MSI2: variants seen among roughly 807,000 people sequenced by gnomAD.
MSI2 encodes the protein RNA-binding protein Musashi homolog 2.
Under a neutral mutation model 45.6 loss-of-function variants are expected in MSI2, and 17 were observed. That is an observed-to-expected ratio of 0.37 (90% CI 0.26 to 0.56). The LOEUF (loss-of-function observed/expected upper bound fraction) is 0.56, where lower values mean the gene tolerates loss of function less well. MSI2 is among the 20% of genes least tolerant of loss of function. MSI2 has a pLI of 0.77. For synonymous variants in MSI2, 156 were observed against 158.2 expected, an observed-to-expected ratio of 0.99 and a Z score of 0.11; for missense variants, 293 against 444.2, an observed-to-expected ratio of 0.66 and a Z score of 3.06.
chr17:57,480,433 C>T (rs1448161017), intron 6 of MSI2, among the ~76,000 whole-genome samples: 2 of 152,182 alleles, frequency 1.3e-5, no homozygotes, highest in African/African-American at 4.8e-5. Flanking sequence ...GGCCAATAAA[C>T]AGGACTCATG....
intron 6 of MSI2, among the ~76,000 whole-genome samples, chr17:57,456,298 C>G (rs1318308701): frequency 6.6e-6 from 1 of 152,190 alleles, no homozygotes; most frequent in South Asian, 2.1e-4. Flanking sequence ...CATAACATCT[C>G]TATGAGGGAG....
rs34206920 is a variant in MSI2, at chr17:57,684,445, A to ATCTATCTATATATATACATATATATGTAT, written c.*4928_*4929insTCTATCTATATATATACATATATATGTAT. 5 of 175,014 alleles carry ATCTATCTATATATATACATATATATGTAT rather than the reference A, an allele frequency of 2.9e-5. No individual in the cohort carries two copies. The highest frequency in any genetic ancestry group is 1.2e-4 in the African/African-American group (5 of 41,754). The allele number at this position is 175,014 out of a possible 1,614,324, so 10.8% of individuals were successfully genotyped here. A position where few individuals can be genotyped will look rare whatever the true frequency, so the allele number is the denominator to read the frequency against. ...TTTTTATATATATACATATATATGTACTATCTATATATATATCTCAAGCAT... is the reference window on the plus strand; with the variant it reads ...TTTTTATATATATACATATATATGTATCTATCTATATATATACATATATATGTATCTATCTATATATATATCTCAAGCAT... On this transcript the variant is annotated 3_prime_UTR_variant, in exon 14 of 14. Coordinates refer to ENST00000284073, the MANE Select transcript of MSI2 (RefSeq NM_138962.4).
intron 8 of MSI2, among the ~76,000 whole-genome samples, chr17:57,615,321 G>A (rs569968668): frequency 3.2e-4 from 49 of 151,918 alleles, no homozygotes; most frequent in African/African-American, 1.1e-3. Context: ...AGTACAGACG[G>A]GGTTTCACCA....
chr17:57,438,485 G>A (rs1313921209), intron 6 of MSI2, among the ~76,000 whole-genome samples: 1 of 152,154 alleles, frequency 6.6e-6, no homozygotes, highest in Non-Finnish European at 1.5e-5. Flanking sequence ...ATGAGATGGA[G>A]CAGAAAGCAG....
At chr17:57,320,727 C>T (rs1392136701) in intron 5 of MSI2, among the ~76,000 whole-genome samples, 1 of 152,118 alleles carries the variant, frequency 6.6e-6, no homozygotes, top group Non-Finnish European at 1.5e-5. Flanking sequence ...ATGCCCCTGG[C>T]CCCGTCTTAG....
At chr17:57,293,320 G>C (rs1466742522) in intron 5 of MSI2, among the ~76,000 whole-genome samples, 1 of 152,052 alleles carries the variant, frequency 6.6e-6, no homozygotes, top group Non-Finnish European at 1.5e-5. Flanking sequence ...CAAGAGGTAT[G>C]TACAGCTCGC....
intron 6 of MSI2, among the ~76,000 whole-genome samples, chr17:57,490,530 A>G (rs2085849571): frequency 1.3e-5 from 2 of 152,208 alleles, no homozygotes; most frequent in Non-Finnish European, 2.9e-5. Context: ...TTGTCCAGGA[A>G]GGGCTTGTGC....
chr17:57,387,455 C>T (rs903185725), intron 5 of MSI2, among the ~76,000 whole-genome samples: 44 of 152,112 alleles, frequency 2.9e-4, no homozygotes, highest in Admixed American at 2.2e-3. Flanking sequence ...ATATTACCTC[C>T]GAGGCATGGC....
At chr17:57,655,570 T>C (rs1001145025) in intron 11 of MSI2, among the ~76,000 whole-genome samples, 5 of 150,268 alleles carry the variant, frequency 3.3e-5, no homozygotes, top group African/African-American at 9.8e-5. Flanking sequence ...TCCAATCTAG[T>C]AACATGAGCT....
chr17:57,636,712 T>C (rs1453677838), intron 10 of MSI2, among the ~76,000 whole-genome samples: 1 of 152,206 alleles, frequency 6.6e-6, no homozygotes, highest in Admixed American at 6.5e-5. Context: ...CTTCAGTTTT[T>C]AAGGGACTGT....
chr17:57,593,733 G>T (rs955807289), intron 7 of MSI2, among the ~76,000 whole-genome samples: 6 of 152,158 alleles, frequency 3.9e-5, no homozygotes, highest in Non-Finnish European at 8.8e-5. Flanking sequence ...TAGCAGTGAG[G>T]TTCCCTAAAA....
intron 6 of MSI2, among the ~76,000 whole-genome samples, chr17:57,408,828 G>A (rs1219791981): frequency 6.6e-6 from 1 of 152,162 alleles, no homozygotes; most frequent in Non-Finnish European, 1.5e-5. Context: ...ATTTAGACTT[G>A]GCATTGAAAT....
intron 5 of MSI2, among the ~76,000 whole-genome samples, chr17:57,274,909 G>T (rs1483022457): frequency 6.6e-6 from 1 of 152,216 alleles, no homozygotes; most frequent in Non-Finnish European, 1.5e-5. Flanking sequence ...TAGTAGGGTT[G>T]TGGGGATTAA....
chr17:57,673,679 G>C (rs1011974097), intron 11 of MSI2, among the ~76,000 whole-genome samples: 1 of 152,082 alleles, frequency 6.6e-6, no homozygotes, highest in Admixed American at 6.5e-5. Flanking sequence ...TGGTTGACAG[G>C]CTGCGGCCCT....
chr17:57,466,773 C>T (rs1235975217), intron 6 of MSI2, among the ~76,000 whole-genome samples: 1 of 97,240 alleles, frequency 1.0e-5, no homozygotes, highest in African/African-American at 3.7e-5. Context: ...ACTCTCATCC[C>T]CTCTTTTCTT....
intron 5 of MSI2, among the ~76,000 whole-genome samples, chr17:57,307,268 T>C (rs1263888541): frequency 2.6e-5 from 4 of 152,208 alleles, no homozygotes; most frequent in Admixed American, 6.5e-5. Flanking sequence ...CAGTTGACTT[T>C]AAGTAAAGCA....
chr17:57,567,157 T>C (rs1006714966), intron 7 of MSI2, among the ~76,000 whole-genome samples: 1 of 152,184 alleles, frequency 6.6e-6, no homozygotes, highest in Non-Finnish European at 1.5e-5. Context: ...GTTTAAAACA[T>C]TGCTATCAAC....
At chr17:57,339,408 A>G (rs1246185947) in intron 5 of MSI2, among the ~76,000 whole-genome samples, 1 of 152,116 alleles carries the variant, frequency 6.6e-6, no homozygotes, top group African/African-American at 2.4e-5. Flanking sequence ...TGCACTGACC[A>G]TCCTTCAGCT....
chr17:57,349,322 C>T (rs899455407), intron 5 of MSI2, among the ~76,000 whole-genome samples: 5 of 152,054 alleles, frequency 3.3e-5, no homozygotes, highest in Admixed American at 1.3e-4. Context: ...TGTGCACGTG[C>T]GCTTCCATCC....
Sources: gnomAD v4.1 joint callset for allele counts (sites outside exome capture counted in the v4.1 genomes callset) on GRCh38, gnomAD v4.1.1 for gene constraint, MANE v1.5 for transcripts, NCBI Gene and HGNC (gene_info 2026-07-23, HGNC 2026-07-21) for gene names.